The following DOK6 variants were observed in gnomAD, a reference collection of about 807,000 sequenced individuals.
DOK6 encodes the protein docking protein 6.
DOK6 carries 22 observed loss-of-function variants against 44.0 expected under a neutral mutation model. That is an observed-to-expected ratio of 0.50 (90% CI 0.36 to 0.71). The LOEUF is 0.71. Among genes scored for constraint, DOK6 ranks in the 30% least tolerant of loss-of-function variants. The probability of loss-of-function intolerance (pLI) is 0.00; values close to 1 mark genes in which losing one functional copy is unlikely to be tolerated. For missense variants in DOK6, 340 were observed against 416.4 expected (o/e 0.82, Z 1.60); for synonymous variants, 166 against 145.5 (o/e 1.14, Z -1.01).
At chr18:69,825,598 T>A (rs1269185752) in intron 7 of DOK6, among the ~76,000 whole-genome samples, 1 of 151,898 alleles carries the variant, frequency 6.6e-6, no homozygotes, top group Non-Finnish European at 1.5e-5. Flanking sequence ...CACGCCCGGC[T>A]AATTTTTTTG....
rs182494346 is a variant in DOK6, at chr18:69,840,903, G to A, written c.857-341G>A. ...CTCCATTAAAAACAGCTTTTTCTGG[G>A]GAAAAGCTTTTCTGCTTTTATTTCA... is the stretch of plus-strand genomic sequence containing the variant. On this transcript the variant is annotated intron_variant, in intron 7 of 7. Coordinates refer to ENST00000382713, the MANE Select transcript of DOK6 (RefSeq NM_152721.6). 1.2e-4 allele frequency among the ~76,000 whole-genome samples: 19 copies of A among 152,244 alleles called. No individual in the cohort carries two copies. In the East Asian group the frequency reaches 2.3e-3, roughly 19 times the overall value.
chr18:69,711,265 C>T (rs1186132406), intron 5 of DOK6, among the ~76,000 whole-genome samples: 1 of 152,074 alleles, frequency 6.6e-6, no homozygotes, highest in Non-Finnish European at 1.5e-5. Context: ...AATTAGTAGG[C>T]AATTAGCACC....
In DOK6 at chr18:69,842,920, T is replaced by G. The variant is rs148117100; in HGVS notation, c.*1537T>G. 3.9e-5 allele frequency: 6 copies of G among 152,282 alleles called. No individual in the cohort carries two copies. In the East Asian group the frequency reaches 7.7e-4, roughly 20 times the overall value. The allele number at this position is 152,282 out of a possible 1,614,324, so 9.4% of individuals were successfully genotyped here. ...TTTTTTTTTTCTTAATAGGAAAATT[T>G]TTTAAACTATCCAAATTAGTCTGTT... On this transcript the variant is annotated 3_prime_UTR_variant, in exon 8 of 8. Transcript: ENST00000382713.
At chr18:69,838,663 G>A (rs1163467556) in intron 7 of DOK6, among the ~76,000 whole-genome samples, 1 of 151,964 alleles carries the variant, frequency 6.6e-6, no homozygotes, top group African/African-American at 2.4e-5. Context: ...CCCTTAAGAT[G>A]GGTTACAAGC....
In DOK6 at chr18:69,669,075, A is replaced by G. The variant is rs572802727; in HGVS notation, c.290-8659A>G. Among the ~76,000 whole-genome samples the G allele has an allele frequency of 2.4e-4, 36 of 152,188 alleles. No individual in the cohort carries two copies. The South Asian group carries it at 6.6e-3, about 28-fold the overall frequency. The stretch of plus-strand genomic sequence containing the variant: ...TTTCTTCTTTTCCCTCTACCACCCA[A>G]TTGCTAAAGGGTGTTTCTTCCTCTC... On this transcript the variant is annotated intron_variant, in intron 3 of 7. Coordinates refer to ENST00000382713, the MANE Select transcript of DOK6 (RefSeq NM_152721.6).
chr18:69,706,747 T>C lies in DOK6; in HGVS notation c.599+8154T>C, dbSNP rs552196368. Among the ~76,000 whole-genome samples the C allele has an allele frequency of 4.0e-4, 58 of 144,548 alleles. No homozygotes were observed. The South Asian group carries it at 0.012, about 31-fold the overall frequency. 94.8% of individuals were successfully genotyped at this position (144,548 alleles called of 152,430 possible). ...CCCTTCCTGTGTCCATGTGTTCTCA[T>C]TGTTCAATTCCCACCTATGAGTGAG... On this transcript the variant is annotated intron_variant, in intron 5 of 7. Coordinates refer to ENST00000382713, the MANE Select transcript of DOK6 (RefSeq NM_152721.6).
intron 7 of DOK6, among the ~76,000 whole-genome samples, chr18:69,823,803 G>T (rs1981648597): frequency 6.6e-6 from 1 of 151,808 alleles, no homozygotes; most frequent in Non-Finnish European, 1.5e-5. Context: ...CTCTATCAAG[G>T]TTCTTCTATG....
intron 4 of DOK6, among the ~76,000 whole-genome samples, chr18:69,689,110 G>T (rs1986212072): frequency 6.6e-6 from 1 of 152,112 alleles, no homozygotes; most frequent in Non-Finnish European, 1.5e-5. Context: ...ATGATGTGCG[G>T]GTATCAGTCC....
intron 1 of DOK6, among the ~76,000 whole-genome samples, chr18:69,530,290 T>C (rs768433491): frequency 6.6e-6 from 1 of 152,176 alleles, no homozygotes; most frequent in Non-Finnish European, 1.5e-5. Flanking sequence ...GAACTTTATA[T>C]TGCAGGCACT....
At chr18:69,524,315 T>C (rs780649886) in intron 1 of DOK6, among the ~76,000 whole-genome samples, 8 of 152,136 alleles carry the variant, frequency 5.3e-5, no homozygotes, top group Non-Finnish European at 1.0e-4. Context: ...TGGGCAATAC[T>C]TCCAAATGTT....
intron 4 of DOK6, 70 bp downstream of exon 4, chr18:69,677,923 A>G: frequency 6.5e-7 from 1 of 1,544,766 alleles, no homozygotes; most frequent in South Asian, 1.2e-5. Flanking sequence ...ACTGGAAAGG[A>G]TCTCAGAAAT....
intron 5 of DOK6, among the ~76,000 whole-genome samples, chr18:69,711,871 G>T (rs1986763767): frequency 6.6e-6 from 1 of 152,068 alleles, no homozygotes. Flanking sequence ...TTCGTGGCAG[G>T]CCCCATACTT....
intron 1 of DOK6, among the ~76,000 whole-genome samples, chr18:69,531,895 T>C (rs1388465855): frequency 6.6e-6 from 1 of 152,128 alleles, no homozygotes; most frequent in Non-Finnish European, 1.5e-5. Flanking sequence ...GAAGCCCTAA[T>C]CCCCAATGTG....
chr18:69,824,845 A>G (rs1008649412), intron 7 of DOK6, among the ~76,000 whole-genome samples: 2 of 152,250 alleles, frequency 1.3e-5, no homozygotes, highest in Admixed American at 1.3e-4. Context: ...AATGAAGTGA[A>G]GACTGAGAGG....
At chr18:69,787,498 A>G (rs771386499) in intron 7 of DOK6, among the ~76,000 whole-genome samples, 1 of 152,198 alleles carries the variant, frequency 6.6e-6, no homozygotes, top group Non-Finnish European at 1.5e-5. Context: ...CATGAAAGTC[A>G]TTTTATTTGT....
chr18:69,693,072 G>A (rs1228121272), intron 4 of DOK6, among the ~76,000 whole-genome samples: 3 of 152,060 alleles, frequency 2.0e-5, no homozygotes, highest in South Asian at 2.1e-4. Context: ...CTTTTAAGAG[G>A]AAGACAAGCT....
intron 4 of DOK6, among the ~76,000 whole-genome samples, chr18:69,683,393 T>G (rs1986084912): frequency 6.6e-6 from 1 of 152,222 alleles, no homozygotes; most frequent in Non-Finnish European, 1.5e-5. Flanking sequence ...AATGTGAATT[T>G]ATTTGGAAAT....
intron 1 of DOK6, among the ~76,000 whole-genome samples, chr18:69,412,655 T>TA (rs1159746006): frequency 2.0e-5 from 3 of 151,956 alleles, no homozygotes; most frequent in African/African-American, 2.4e-5. Flanking sequence ...CCTCCATAAG[T>TA]AAAAAAATAA....
At chr18:69,727,453 A>G (rs1409710365) in intron 5 of DOK6, among the ~76,000 whole-genome samples, 1 of 152,216 alleles carries the variant, frequency 6.6e-6, no homozygotes, top group Non-Finnish European at 1.5e-5. Flanking sequence ...GAGCCTCTTT[A>G]GTGATAATGT....
Sources: allele counts gnomAD v4.1 joint callset (sites outside exome capture counted in the v4.1 genomes callset), GRCh38; gene constraint gnomAD v4.1.1; transcripts MANE v1.5; gene names NCBI Gene and HGNC (gene_info 2026-07-23, HGNC 2026-07-21).